DNAJB6: variants seen among roughly 807,000 people sequenced by gnomAD.
The protein encoded by DNAJB6 is DnaJ heat shock protein family (Hsp40) member B6, also known as dnaJ homolog subfamily B member 6.
Under a neutral mutation model 42.7 loss-of-function variants are expected in DNAJB6, and 16 were observed. The observed-to-expected ratio is 0.37, with a 90% CI of 0.25 to 0.57. The LOEUF is 0.57. Among genes scored for constraint, DNAJB6 ranks in the 20% least tolerant of loss-of-function variants. The pLI is 0.74. For missense variants in DNAJB6, 347 were observed against 416.8 expected, an observed-to-expected ratio of 0.83 and a Z score of 1.46; for synonymous variants, 170 against 163.5, an observed-to-expected ratio of 1.04 and a Z score of -0.30.
At chr7:157,373,262 G>A (rs1800308136) in intron 5 of DNAJB6, among the ~76,000 whole-genome samples, 1 of 152,188 alleles carries the variant, frequency 6.6e-6, no homozygotes, top group Non-Finnish European at 1.5e-5. Flanking sequence ...TTTCTAACGG[G>A]TAGATTTTTG....
At chr7:157,339,281 C>CTTTTTTTTTTTT (rs34284253) in intron 1 of DNAJB6, among the ~76,000 whole-genome samples, 4 of 68,286 alleles carry the variant, frequency 5.9e-5, no homozygotes, top group Non-Finnish European at 1.1e-4. Flanking sequence ...CTGTTTGCAC[C>CTTTTTTTTTTTT]TTTTTTTTTT....
chr7:157,338,592 C>A (rs1798173239), intron 1 of DNAJB6, among the ~76,000 whole-genome samples: 1 of 152,224 alleles, frequency 6.6e-6, no homozygotes, highest in Non-Finnish European at 1.5e-5. Context: ...CCTCGGCCTC[C>A]CAAAGTGTTG....
At chr7:157,343,086 G>T (rs1425161892) in intron 1 of DNAJB6, among the ~76,000 whole-genome samples, 1 of 151,770 alleles carries the variant, frequency 6.6e-6, no homozygotes, top group African/African-American at 2.4e-5. Flanking sequence ...TTGCCTCCCA[G>T]GCTCAAGCAA....
intron 8 of DNAJB6, among the ~76,000 whole-genome samples, chr7:157,405,932 CCA>C (rs753264871): frequency 3.9e-5 from 6 of 152,248 alleles, no homozygotes; most frequent in African/African-American, 7.2e-5. Context: ...AACGCTCCAT[CCA>C]CAGTGCAGGT....
At chr7:157,389,084 C>T (rs562769544) in intron 8 of DNAJB6, among the ~76,000 whole-genome samples, 7 of 152,274 alleles carry the variant, frequency 4.6e-5, no homozygotes, top group African/African-American at 1.7e-4. Context: ...TACCTGTGCA[C>T]CTAGTGTGCT....
chr7:157,351,803 T>TAAAAAAAACCCAAAAAACAAAAC (rs1563113624), intron 1 of DNAJB6, among the ~76,000 whole-genome samples: 1 of 148,008 alleles, frequency 6.8e-6, no homozygotes. Context: ...GTGTCTACTT[T>TAAAAAAAACCCAAAAAACAAAAC]AAAAAAAACC....
Position 157,403,418 on chromosome 7 carries a change from C to T in DNAJB6, c.692-6377C>T, listed in dbSNP as rs199975454. On this transcript the variant is annotated intron_variant, in intron 8 of 9. Transcript: ENST00000262177. ...CTGCTCTAGGGTAAAGATCTTGAGC[C>T]CCACGGGGAATTTCCTTGTGCACAA... 9.2e-5 allele frequency among the ~76,000 whole-genome samples: 14 copies of T among 152,258 alleles called. No individual in the cohort carries two copies. In the East Asian group the frequency reaches 2.7e-3, roughly 29 times the overall value.
chr7:157,366,637 G>A, intron 4 of DNAJB6, 76 bp downstream of exon 4: 1 of 1,371,176 alleles, frequency 7.3e-7, no homozygotes, highest in Admixed American at 1.8e-5. Context: ...CGAGTCTCTT[G>A]GTCAGAGTCG....
intron 1 of DNAJB6, among the ~76,000 whole-genome samples, chr7:157,353,588 TGTGTGTG>T (rs1563115195): frequency 1.2e-4 from 13 of 108,394 alleles, no homozygotes; most frequent in African/African-American, 6.1e-4. Flanking sequence ...TTGACCGGGG[TGTGTGTG>T]TGTGTGTGTG....
chr7:157,399,679 T>C (rs1801756586), intron 8 of DNAJB6, among the ~76,000 whole-genome samples: 1 of 152,196 alleles, frequency 6.6e-6, no homozygotes, highest in South Asian at 2.1e-4. Context: ...ATCTGTATTT[T>C]TTTTTTGGAG....
At chr7:157,391,534 G>C (rs1007319317) in intron 8 of DNAJB6, among the ~76,000 whole-genome samples, 3 of 152,200 alleles carry the variant, frequency 2.0e-5, no homozygotes, top group Non-Finnish European at 4.4e-5. Flanking sequence ...TGCCAAGCAG[G>C]AAAGACAAGT....
chr7:157,392,492 G>A (rs1469867699), intron 8 of DNAJB6, among the ~76,000 whole-genome samples: 1 of 151,692 alleles, frequency 6.6e-6, no homozygotes, highest in African/African-American at 2.4e-5. Flanking sequence ...TTGTAATCCT[G>A]TGTGTGTTTA....
At chr7:157,355,639 G>T (rs1464728366) in intron 1 of DNAJB6, among the ~76,000 whole-genome samples, 1 of 151,918 alleles carries the variant, frequency 6.6e-6, no homozygotes, top group South Asian at 2.1e-4. Context: ...CAGCAGGACT[G>T]GGGGATGAGT....
At position 157,344,416 on chromosome 7, in the gene DNAJB6, T is replaced by TG. The variant is rs577491899; in HGVS notation, c.-27+7273dup. ...TAGTCCCAGGTACTCGGGAGGCTGA[T>TG]GCAGGAGAATCGCTGGAACCAGGGA... On this transcript the variant is annotated intron_variant, in intron 1 of 9. Coordinates refer to ENST00000262177, the MANE Select transcript of DNAJB6 (RefSeq NM_058246.4). Among the ~76,000 whole-genome samples, 35 of 151,354 alleles carry TG rather than the reference T, an allele frequency of 2.3e-4. 1 individual carries two copies. The South Asian group carries it at 7.3e-3, about 32-fold the overall frequency.
intron 2 of DNAJB6, among the ~76,000 whole-genome samples, chr7:157,362,001 G>A (rs946636761): frequency 2.0e-5 from 3 of 152,140 alleles, no homozygotes; most frequent in Non-Finnish European, 2.9e-5. Flanking sequence ...CCTGACCTCA[G>A]GTGATCCACC....
At chr7:157,367,307 A>G (rs887274173) in intron 4 of DNAJB6, 66 bp from the exon 5 acceptor site, 30 of 1,058,834 alleles carry the variant, frequency 2.8e-5, no homozygotes, top group Non-Finnish European at 5.8e-6. Flanking sequence ...TGTTTTGTCA[A>G]CAAAGAATTC....
chr7:157,399,780 T>C (rs1801762812), intron 8 of DNAJB6, among the ~76,000 whole-genome samples: 1 of 152,194 alleles, frequency 6.6e-6, no homozygotes, highest in Non-Finnish European at 1.5e-5. Context: ...GCAATTCTCC[T>C]GCCTTAGCCT....
In DNAJB6 at chr7:157,355,815, C is replaced by T. The variant is rs560951547; in HGVS notation, c.-26-2732C>T. Among the ~76,000 whole-genome samples the T allele has an allele frequency of 3.3e-4, 50 of 152,260 alleles. 1 individual carries two copies. The highest frequency in any genetic ancestry group is 1.1e-3 in the African/African-American group (46 of 41,548). On this transcript the variant is annotated intron_variant, in intron 1 of 9. Transcript: ENST00000262177. ...ATTTGATGGAGTGCTGCATGAATAC[C>T]GAGTGCTGTTAGTGGATGCTGCACG...
chr7:157,366,510 C>T lies in DNAJB6; in HGVS notation c.184C>T (p.Arg62Trp), dbSNP rs886043038. The stretch of plus-strand genomic sequence containing the variant: ...TTTCTTTCAATTTTTAGCTAAGAAA[C>T]GGGACATCTATGACAAATATGGCAA... ...AYEVLSDAKK[R>W]DIYDKYGKEG... Residue 62 changes from arginine (R) to tryptophan (W), a missense_variant, in exon 4 of 10, where the codon CGG becomes TGG. Physicochemically the swap from Arg to Trp is moderately radical, Grantham distance 101. Around this residue, in one of 3 missense-constraint regions of DNAJB6, gnomAD observed 78 missense variants for 102.1 expected, o/e 0.76. Transcript: ENST00000262177. 1.2e-6 allele frequency: 2 copies of T among 1,613,788 alleles called. No homozygotes were observed. Among genetic ancestry groups the T allele is most frequent in the Non-Finnish European group, 8.5e-7 (1 of 1,179,922 alleles).
Sources: allele counts gnomAD v4.1 joint callset (sites outside exome capture counted in the v4.1 genomes callset), GRCh38; gene constraint gnomAD v4.1.1; regional missense constraint gnomAD v4.1.1; transcripts MANE v1.5; gene names NCBI Gene and HGNC (gene_info 2026-07-23, HGNC 2026-07-21).